Variants in SASH1 observed in about 807,000 individuals in gnomAD.
SASH1 encodes the protein SAM and SH3 domain containing 1.
A neutral mutation model predicts 125.2 loss-of-function variants in SASH1; 44 were observed. That is an observed-to-expected ratio of 0.35 (90% CI 0.28 to 0.45). SASH1 has a LOEUF of 0.45. Among genes scored for constraint, SASH1 ranks in the 20% least tolerant of loss-of-function variants. The pLI is 1.00. For synonymous variants in SASH1, 639 were observed against 649.1 expected (o/e 0.98, Z 0.24); for missense variants, 1,426 against 1,614.5 (o/e 0.88, Z 2.00).
chr6:148,307,178 G>A (rs1028008566), intron 1 of SASH1, among the ~76,000 whole-genome samples: 1 of 151,264 alleles, frequency 6.6e-6, no homozygotes, highest in Non-Finnish European at 1.5e-5. Context: ...GAGTGCAGTG[G>A]CTCAATCTTG....
intron 12 of SASH1, among the ~76,000 whole-genome samples, chr6:148,530,511 A>C (rs1196811859): frequency 2.6e-5 from 4 of 152,096 alleles, no homozygotes; most frequent in African/African-American, 9.7e-5. Context: ...CATTGAAAGC[A>C]CTAATGTGTG....
At chr6:148,456,459 A>C (rs1434632073) in intron 4 of SASH1, among the ~76,000 whole-genome samples, 18 of 152,356 alleles carry the variant, frequency 1.2e-4, no homozygotes, top group Admixed American at 1.2e-3. Flanking sequence ...CCCCATAGAA[A>C]AGCCTCTCTT....
chr6:148,302,910 G>A (rs1323491531), intron 1 of SASH1, among the ~76,000 whole-genome samples: 1 of 151,582 alleles, frequency 6.6e-6, no homozygotes, highest in Admixed American at 6.6e-5. Context: ...TCAACAATGG[G>A]TAAGGTAAAG....
At chr6:148,390,656 T>A (rs902796712) in intron 2 of SASH1, among the ~76,000 whole-genome samples, 1 of 151,908 alleles carries the variant, frequency 6.6e-6, no homozygotes, top group Non-Finnish European at 1.5e-5. Flanking sequence ...GGCGTGGTGA[T>A]GGGTGCCTGT....
Position 148,342,957 on chromosome 6 carries a change from C to T in SASH1, c.-111C>T, listed in dbSNP as rs1781381682. 2 of 940,676 alleles carry T rather than the reference C, an allele frequency of 2.1e-6. No individual in the cohort carries two copies. Among genetic ancestry groups the T allele is most frequent in the African/African-American group, 1.8e-5 (1 of 56,062 alleles). 58.3% of individuals were successfully genotyped at this position (940,676 alleles called of 1,614,324 possible). A position where few individuals can be genotyped will look rare whatever the true frequency, so the allele number is the denominator to read the frequency against. ...CGCCGGGGCATGCAGCGCGGGGGCGCGGCTCGGTGACGCCGCGGGCGGGGA... is the reference window on the plus strand; with the variant it reads ...CGCCGGGGCATGCAGCGCGGGGGCGTGGCTCGGTGACGCCGCGGGCGGGGA... On this transcript the variant is annotated 5_prime_UTR_variant, in exon 1 of 20. Transcript: ENST00000367467.
intron 1 of SASH1, among the ~76,000 whole-genome samples, chr6:148,307,551 C>T (rs996166577): frequency 1.3e-5 from 2 of 152,096 alleles, no homozygotes; most frequent in African/African-American, 4.8e-5. Flanking sequence ...GGTTCCGTGG[C>T]TGCCCCAAGG....
intron 2 of SASH1, among the ~76,000 whole-genome samples, chr6:148,391,559 T>C (rs1300829833): frequency 1.3e-5 from 2 of 152,126 alleles, no homozygotes; most frequent in East Asian, 3.9e-4. Flanking sequence ...CCATCTTTCA[T>C]GGTTATAGTC....
chr6:148,494,715 C>T (rs1236861830), intron 8 of SASH1, among the ~76,000 whole-genome samples: 2 of 152,166 alleles, frequency 1.3e-5, no homozygotes, highest in Non-Finnish European at 2.9e-5. Context: ...TCCATGTGTG[C>T]ACTCTTCATA....
the SASH1 span, among the ~76,000 whole-genome samples, chr6:148,207,260 C>G: frequency 2.0e-5 from 3 of 152,218 alleles, no homozygotes; most frequent in Non-Finnish European, 4.4e-5. Flanking sequence ...GCAGTAACTA[C>G]TGAGCATTTG....
At chr6:148,543,026 TAGTTC>T (rs1164618187) in intron 17 of SASH1, among the ~76,000 whole-genome samples, 1 of 152,224 alleles carries the variant, frequency 6.6e-6, no homozygotes, top group Middle Eastern at 3.2e-3. Flanking sequence ...GTCTGGTTGA[TAGTTC>T]AGTTATCAGT....
At chr6:148,233,219 A>G in the SASH1 span, among the ~76,000 whole-genome samples, 1 of 151,636 alleles carries the variant, frequency 6.6e-6, no homozygotes, top group African/African-American at 2.4e-5. Context: ...CATCTTAAAA[A>G]AAAAAAAAAA....
intron 1 of SASH1, among the ~76,000 whole-genome samples, chr6:148,370,953 G>A (rs916684990): frequency 6.6e-6 from 1 of 152,166 alleles, no homozygotes; most frequent in African/African-American, 2.4e-5. Context: ...TGTTTTTTAT[G>A]TAAGAAGTGA....
intron 1 of SASH1, among the ~76,000 whole-genome samples, chr6:148,361,953 GC>G (rs1317723373): frequency 1.3e-3 from 166 of 130,532 alleles, no homozygotes; most frequent in Admixed American, 2.6e-3. Context: ...TCACTCTGTC[GC>G]CCAGGCTGGA....
At chr6:148,374,725 C>T (rs1782825557) in intron 1 of SASH1, among the ~76,000 whole-genome samples, 1 of 151,022 alleles carries the variant, frequency 6.6e-6, no homozygotes, top group African/African-American at 2.4e-5. Flanking sequence ...GAGATGGAGT[C>T]TCACTCTTGT....
At chr6:148,513,021 T>C (rs994439480) in intron 8 of SASH1, 1 of 985,396 alleles carries the variant, frequency 1.0e-6, no homozygotes, top group Non-Finnish European at 1.2e-6. Context: ...GTTCGTGCCA[T>C]AGTGCAAAGA....
At chr6:148,338,614 TAAAACGTTCTTGGTA>T (rs1199449030), upstream of SASH1, among the ~76,000 whole-genome samples, 7 of 152,160 alleles carry the variant, frequency 4.6e-5, no homozygotes, top group African/African-American at 1.7e-4. Context: ...AATTCTAATA[TAAAACGTTCTTGGTA>T]AATGATATCC....
At chr6:148,363,271 G>A (rs997846861) in intron 1 of SASH1, among the ~76,000 whole-genome samples, 2 of 152,194 alleles carry the variant, frequency 1.3e-5, no homozygotes, top group Non-Finnish European at 2.9e-5. Context: ...GATAGTGTTA[G>A]GGACGGAGTG....
rs758749378 is a variant in SASH1 at position 148,544,865 on chromosome 6, G to C, written c.3348+47G>C. 6.0e-6 allele frequency: 9 copies of C among 1,495,382 alleles called. No individual in the cohort carries two copies. In the South Asian group the frequency reaches 9.4e-5, roughly 16 times the overall value. 92.6% of individuals were successfully genotyped at this position (1,495,382 alleles called of 1,614,324 possible). On this transcript the variant is annotated intron_variant, in intron 18 of 19. Coordinates refer to ENST00000367467, the MANE Select transcript of SASH1 (RefSeq NM_015278.5). The surrounding 1 kb of genome is among the most constrained non-coding windows in gnomAD (Gnocchi z 6.4). ...CCACGTTCACAGGCCTTTGTTTGTA[G>C]AAGTCAGGCAGCCAGGTGAGATGAA...
At chr6:148,382,750 A>G (rs111619971) in intron 1 of SASH1, among the ~76,000 whole-genome samples, 3 of 152,252 alleles carry the variant, frequency 2.0e-5, no homozygotes, top group African/African-American at 7.2e-5. Flanking sequence ...CCTGTGCGCA[A>G]TAGCATCACC....
Sources: gnomAD v4.1 joint callset for allele counts (sites outside exome capture counted in the v4.1 genomes callset) on GRCh38, gnomAD v4.1.1 for gene constraint, Gnocchi (gnomAD v3.1) non-coding constraint, MANE v1.5 for transcripts, NCBI Gene and HGNC (gene_info 2026-07-23, HGNC 2026-07-21) for gene names.